Variants in SPRR2B observed in about 807,000 individuals in gnomAD.
The protein encoded by SPRR2B is small proline-rich protein 2B.
In SPRR2B, 1 loss-of-function variant was observed where a neutral mutation model predicts 1.0. The observed-to-expected ratio is 1.01, with a 90% CI of 0.36 to 4.77. The LOEUF is 4.77. Among genes scored for constraint, SPRR2B ranks in the 30% most tolerant of loss-of-function variants. The pLI is 0.16. For missense variants in SPRR2B, 53 were observed against 88.7 expected (o/e 0.60, Z 1.62); for synonymous variants, 27 against 33.4 (o/e 0.81, Z 0.66).
the SPRR2B span, among the ~76,000 whole-genome samples, chr1:153,084,984 C>G: frequency 1.3e-5 from 2 of 152,168 alleles, no homozygotes; most frequent in African/African-American, 2.4e-5. Context: ...CAATCAAAAC[C>G]TCAAGGTTAT....
chr1:153,074,687 A>G (rs1170658491), upstream of SPRR2B, among the ~76,000 whole-genome samples: 1 of 152,248 alleles, frequency 6.6e-6, no homozygotes. Context: ...ATGTGATTAT[A>G]TATGGCTGGT....
upstream of SPRR2B, among the ~76,000 whole-genome samples, chr1:153,072,309 C>T (rs1157630918): frequency 2.0e-5 from 3 of 152,178 alleles, no homozygotes; most frequent in Non-Finnish European, 1.5e-5. Flanking sequence ...CCAGTCTCCC[C>T]AGTATGTTTG....
upstream of SPRR2B, among the ~76,000 whole-genome samples, chr1:153,076,084 A>AT (rs1477121350): frequency 6.6e-6 from 1 of 152,168 alleles, no homozygotes; most frequent in African/African-American, 2.4e-5. Context: ...CTTCTGAAAA[A>AT]ATATATAATG....
chr1:153,081,825 C>CTTTTTTT, the SPRR2B span, among the ~76,000 whole-genome samples: 1 of 137,002 alleles, frequency 7.3e-6, no homozygotes. Context: ...CTTTTCTTTT[C>CTTTTTTT]TTTTTTTTTT....
At chr1:153,086,727 G>A in the SPRR2B span, among the ~76,000 whole-genome samples, 2,513 of 152,308 alleles carry the variant, frequency 0.016, 68 homozygotes, top group African/African-American at 0.058. Flanking sequence ...TGGATCAAAT[G>A]TACTTGCTAA....
upstream of SPRR2B, among the ~76,000 whole-genome samples, chr1:153,073,457 C>T (rs1654713056): frequency 6.6e-6 from 1 of 151,846 alleles, no homozygotes; most frequent in African/African-American, 2.4e-5. Flanking sequence ...CTTCTGAGAA[C>T]ACCCCACTCA....
the SPRR2B span, among the ~76,000 whole-genome samples, chr1:153,078,223 G>C: frequency 6.6e-6 from 1 of 152,136 alleles, no homozygotes; most frequent in Non-Finnish European, 1.5e-5. Flanking sequence ...TAATAGGATA[G>C]AAAAAGATAT....
At chr1:153,086,414 G>A in the SPRR2B span, among the ~76,000 whole-genome samples, 39 of 152,018 alleles carry the variant, frequency 2.6e-4, no homozygotes, top group Admixed American at 1.0e-3. Context: ...ACCAGCAAAC[G>A]TCCAAAAAAA....
upstream of SPRR2B, among the ~76,000 whole-genome samples, chr1:153,075,434 A>G (rs965507136): frequency 2.6e-5 from 4 of 152,148 alleles, no homozygotes; most frequent in Non-Finnish European, 5.9e-5. Context: ...AAAAATCAGG[A>G]ATGAGTTTGT....
chr1:153,086,700 C>T, the SPRR2B span, among the ~76,000 whole-genome samples: 1 of 152,196 alleles, frequency 6.6e-6, no homozygotes, highest in Non-Finnish European at 1.5e-5. Flanking sequence ...GTGTTATTCA[C>T]TACCAAAACT....
At chr1:153,074,556 GT>G (rs1654737196), upstream of SPRR2B, among the ~76,000 whole-genome samples, 1 of 152,142 alleles carries the variant, frequency 6.6e-6, no homozygotes, top group Non-Finnish European at 1.5e-5. Flanking sequence ...TAAGGTGGAT[GT>G]TTTGGAAATT....
chr1:153,087,235 A>C, the SPRR2B span, among the ~76,000 whole-genome samples: 3 of 152,044 alleles, frequency 2.0e-5, no homozygotes, highest in Non-Finnish European at 4.4e-5. Context: ...AGTCGAGATC[A>C]CGCTACTGCA....
At chr1:153,081,475 A>C in the SPRR2B span, among the ~76,000 whole-genome samples, 1 of 152,240 alleles carries the variant, frequency 6.6e-6, no homozygotes, top group Non-Finnish European at 1.5e-5. Flanking sequence ...TGAGGGCAAA[A>C]TTATGGCATT....
chr1:153,081,825 CTT>C, the SPRR2B span, among the ~76,000 whole-genome samples: 44,955 of 136,270 alleles, frequency 0.33, 7,879 homozygotes, highest in Non-Finnish European at 0.44. Flanking sequence ...CTTTTCTTTT[CTT>C]TTTTTTTTTT....
the SPRR2B span, among the ~76,000 whole-genome samples, chr1:153,077,374 G>T: frequency 1.3e-5 from 2 of 152,220 alleles, no homozygotes; most frequent in East Asian, 3.9e-4. Flanking sequence ...TGAAATAAAA[G>T]GATGCTGGAG....
the SPRR2B span, among the ~76,000 whole-genome samples, chr1:153,079,104 C>G: frequency 6.6e-6 from 1 of 152,114 alleles, no homozygotes; most frequent in Non-Finnish European, 1.5e-5. Context: ...TGCATTTCTC[C>G]GATGGCCAGT....
At chr1:153,086,417 C>CA in the SPRR2B span, among the ~76,000 whole-genome samples, 1 of 151,742 alleles carries the variant, frequency 6.6e-6, no homozygotes, top group Non-Finnish European at 1.5e-5. Context: ...AGCAAACGTC[C>CA]AAAAAAAGAC....
the SPRR2B span, among the ~76,000 whole-genome samples, chr1:153,087,745 A>G: frequency 6.6e-6 from 1 of 152,238 alleles, no homozygotes; most frequent in South Asian, 2.1e-4. Context: ...AAATTGAATC[A>G]GTAATAAATA....
At chr1:153,083,524 A>G in the SPRR2B span, among the ~76,000 whole-genome samples, 2 of 152,186 alleles carry the variant, frequency 1.3e-5, no homozygotes, top group African/African-American at 4.8e-5. Flanking sequence ...AACCGAGATT[A>G]CAGGTGCACT....
Sources: gnomAD v4.1 joint callset for allele counts (sites outside exome capture counted in the v4.1 genomes callset) on GRCh38, gnomAD v4.1.1 for gene constraint, MANE v1.5 for transcripts, NCBI Gene and HGNC (gene_info 2026-07-23, HGNC 2026-07-21) for gene names.